The following ATF7IP2 variants were observed in gnomAD, a reference collection of about 807,000 sequenced individuals.
The protein encoded by ATF7IP2 is activating transcription factor 7 interacting protein 2, also known as activating transcription factor 7-interacting protein 2.
In ATF7IP2, 42 loss-of-function variants were observed where a neutral mutation model predicts 64.2. The ratio of observed to expected loss-of-function variants is 0.65; its 90% CI spans 0.51 to 0.85. The LOEUF (loss-of-function observed/expected upper bound fraction) is 0.85. Ranked by LOEUF, ATF7IP2 falls within the 40% of genes least tolerant of loss-of-function variation. The pLI, the probability that ATF7IP2 is intolerant of heterozygous loss-of-function variation, is 0.00. For synonymous variants in ATF7IP2, 308 were observed against 272.8 expected, an observed-to-expected ratio of 1.13 and a Z score of -1.27; for missense variants, 933 against 784.2, an observed-to-expected ratio of 1.19 and a Z score of -2.27.
intron 1 of ATF7IP2, among the ~76,000 whole-genome samples, chr16:10,411,929 TCTTGGTTAATCTTGCTAATGGTCTATTAA>T (rs1567434966): frequency 3.3e-5 from 5 of 150,782 alleles, no homozygotes; most frequent in Admixed American, 6.6e-5. Flanking sequence ...CCTCAGCTTT[TCTTGGTTAATCTTGCTAATGGTCTATTAA>T]TTTTATTAAC....
chr16:10,398,978 T>C (rs978163111), intron 1 of ATF7IP2, among the ~76,000 whole-genome samples: 10 of 152,144 alleles, frequency 6.6e-5, no homozygotes, highest in African/African-American at 2.4e-4. Context: ...CTGGGCGTGG[T>C]GGTGCATGCC....
At chr16:10,420,846 A>G (rs2047976287) in intron 3 of ATF7IP2, among the ~76,000 whole-genome samples, 1 of 152,222 alleles carries the variant, frequency 6.6e-6, no homozygotes, top group Non-Finnish European at 1.5e-5. Flanking sequence ...GAGCTGAAGT[A>G]TAGGGCATCT....
chr16:10,430,056 G>A (rs538724804), intron 4 of ATF7IP2, among the ~76,000 whole-genome samples: 5 of 151,650 alleles, frequency 3.3e-5, no homozygotes, highest in African/African-American at 7.3e-5. Context: ...GTTTCACCAC[G>A]TTGACCAAGC....
intron 1 of ATF7IP2, among the ~76,000 whole-genome samples, chr16:10,413,430 C>T (rs1049725358): frequency 1.3e-5 from 2 of 152,288 alleles, no homozygotes; most frequent in East Asian, 1.9e-4. Flanking sequence ...TCTGAGACAT[C>T]CCCAGCCATG....
At chr16:10,467,762 A>G (rs2049631695) in intron 9 of ATF7IP2, among the ~76,000 whole-genome samples, 1 of 151,966 alleles carries the variant, frequency 6.6e-6, no homozygotes. Context: ...CATGTTATCC[A>G]GGCTGGTCTC....
chr16:10,392,808 G>A lies in ATF7IP2; in HGVS notation c.-242+6686G>A, dbSNP rs189817671. ...GTTGAAGACCAGCCTGGGCAACATAGTGAGACTCTGTCTTTAAAAAAAAAA... is the reference window on the plus strand; with the variant it reads ...GTTGAAGACCAGCCTGGGCAACATAATGAGACTCTGTCTTTAAAAAAAAAA... On this transcript the variant is annotated intron_variant, in intron 1 of 13. Transcript: ENST00000562102. Among the ~76,000 whole-genome samples, 5 of 151,400 alleles carry A rather than the reference G, an allele frequency of 3.3e-5. No individual in the cohort carries two copies. In the East Asian group the frequency reaches 9.7e-4, roughly 29 times the overall value.
intron 3 of ATF7IP2, among the ~76,000 whole-genome samples, chr16:10,427,980 T>C (rs1283087074): frequency 1.3e-5 from 2 of 152,166 alleles, no homozygotes; most frequent in Non-Finnish European, 2.9e-5. Flanking sequence ...TTGCTATACG[T>C]AAGCACATGG....
intron 9 of ATF7IP2, among the ~76,000 whole-genome samples, chr16:10,457,850 C>T (rs927240013): frequency 8.5e-5 from 13 of 152,222 alleles, no homozygotes; most frequent in Admixed American, 3.9e-4. Context: ...ACTGGGACTA[C>T]AGGTGTGCAA....
At chr16:10,402,994 A>C (rs2047565468) in intron 1 of ATF7IP2, among the ~76,000 whole-genome samples, 1 of 151,810 alleles carries the variant, frequency 6.6e-6, no homozygotes, top group East Asian at 1.9e-4. Flanking sequence ...AAAAATGTAT[A>C]CTCTGTTCTA....
intron 12 of ATF7IP2, 39 bp from the exon 13 acceptor site, chr16:10,480,840 C>T (rs1226102582): frequency 7.6e-7 from 1 of 1,308,980 alleles, no homozygotes; most frequent in Non-Finnish European, 1.1e-6. Flanking sequence ...TTGATTATTG[C>T]AGATAAGATT....
At chr16:10,466,902 T>A (rs531877121) in intron 9 of ATF7IP2, among the ~76,000 whole-genome samples, 4 of 152,320 alleles carry the variant, frequency 2.6e-5, no homozygotes, top group African/African-American at 9.6e-5. Context: ...ATGCTCTTGT[T>A]TTAACTCAAG....
At chr16:10,442,791 C>G (rs2048672972) in intron 8 of ATF7IP2, among the ~76,000 whole-genome samples, 1 of 152,166 alleles carries the variant, frequency 6.6e-6, no homozygotes. Context: ...GCCCTAATTG[C>G]TCAGCTGTTC....
At chr16:10,455,535 T>A (rs969176012) in intron 8 of ATF7IP2, among the ~76,000 whole-genome samples, 1 of 152,220 alleles carries the variant, frequency 6.6e-6, no homozygotes, top group African/African-American at 2.4e-5. Flanking sequence ...CACAAAGAAT[T>A]TGGTACCAGG....
At position 10,473,524 on chromosome 16, in the gene ATF7IP2, C is replaced by T. The variant is rs1414988196; in HGVS notation, c.1472C>T (p.Ala491Val). 1 of 1,565,864 alleles carries T rather than the reference C, an allele frequency of 6.4e-7. No individual in the cohort carries two copies. The highest frequency in any genetic ancestry group is 2.3e-5 in the East Asian group (1 of 43,982). Residue 491 changes from alanine to valine, a missense_variant, in exon 11 of 14, where the codon GCT becomes GTT. Transcript: ENST00000562102. ...TSGNSSNSPN[A>V]EVMAVQKKLD... ...GGAAATTCTAGCAATTCTCCCAATG[C>T]TGAAGTTATGGTGAGTAATAAATAT... is the stretch of plus-strand genomic sequence containing the variant.
chr16:10,405,597 C>A (rs912051505), intron 1 of ATF7IP2, among the ~76,000 whole-genome samples: 1 of 152,130 alleles, frequency 6.6e-6, no homozygotes, highest in Admixed American at 6.5e-5. Context: ...TGGACAAAGG[C>A]CCAAGGAACA....
chr16:10,435,156 A>G (rs546191744), intron 6 of ATF7IP2, among the ~76,000 whole-genome samples: 1 of 152,270 alleles, frequency 6.6e-6, no homozygotes, highest in Admixed American at 6.5e-5. Context: ...GTCTCTCTCA[A>G]CCATATCTAG....
chr16:10,387,603 T>C (rs1415315189), intron 1 of ATF7IP2: 1 of 152,252 alleles, frequency 6.6e-6, no homozygotes, highest in Non-Finnish European at 1.5e-5. Context: ...GGTACGAAAC[T>C]ATTGCATGAT....
chr16:10,447,571 A>C (rs2048850568), intron 8 of ATF7IP2: 1 of 152,276 alleles, frequency 6.6e-6, no homozygotes. Flanking sequence ...AAAGGAAAGC[A>C]GGGGTTTTTA....
At chr16:10,453,413 C>G (rs983798393) in intron 8 of ATF7IP2, among the ~76,000 whole-genome samples, 9 of 152,140 alleles carry the variant, frequency 5.9e-5, no homozygotes, top group Non-Finnish European at 4.4e-5. Flanking sequence ...GTGGCTACAC[C>G]CACTGTCCAA....
Sources: gnomAD v4.1 joint callset for allele counts (sites outside exome capture counted in the v4.1 genomes callset) on GRCh38, gnomAD v4.1.1 for gene constraint, MANE v1.5 for transcripts, NCBI Gene and HGNC (gene_info 2026-07-23, HGNC 2026-07-21) for gene names.